Variants in FSTL5 observed in about 807,000 individuals in gnomAD.
FSTL5 encodes follistatin-related protein 5.
A neutral mutation model predicts 89.1 loss-of-function variants in FSTL5; 62 were observed. The observed-to-expected ratio is 0.70, with a 90% CI of 0.57 to 0.86. FSTL5 has a LOEUF of 0.86. Among genes scored for constraint, FSTL5 ranks in the 40% least tolerant of loss-of-function variants. FSTL5 has a pLI of 0.00. For missense variants in FSTL5, 1,057 were observed against 1,001.6 expected, an observed-to-expected ratio of 1.06 and a Z score of -0.75; for synonymous variants, 383 against 346.2, an observed-to-expected ratio of 1.11 and a Z score of -1.18.
chr4:161,646,518 A>T (rs1414378601), intron 7 of FSTL5, among the ~76,000 whole-genome samples: 3 of 152,002 alleles, frequency 2.0e-5, no homozygotes, highest in Admixed American at 6.6e-5. Context: ...AATGACATAT[A>T]AAATCCAGAC....
chr4:161,725,201 AT>A lies in FSTL5; in HGVS notation c.727+34209del, dbSNP rs557758052. ...TCTCAAAAAATAAACATAAAAAAAA[AT>A]AACTCTGAAAATTTACTTAAGTGGC... On this transcript the variant is annotated intron_variant, in intron 6 of 15. Transcript: ENST00000306100. 1.2e-4 allele frequency among the ~76,000 whole-genome samples: 18 copies of A among 152,278 alleles called. No individual in the cohort carries two copies. In the South Asian group the frequency reaches 2.3e-3, roughly 19 times the overall value.
intron 3 of FSTL5, among the ~76,000 whole-genome samples, chr4:161,981,649 G>A (rs1220774550): frequency 6.6e-6 from 1 of 152,064 alleles, no homozygotes; most frequent in African/African-American, 2.4e-5. Context: ...CACAGCACAT[G>A]GCTAGTTCAG....
intron 11 of FSTL5, among the ~76,000 whole-genome samples, chr4:161,509,605 G>C (rs762204059): frequency 6.6e-6 from 1 of 152,114 alleles, no homozygotes; most frequent in African/African-American, 2.4e-5. Flanking sequence ...AGGGTACAGT[G>C]ACTTGGGTTC....
intron 1 of FSTL5, among the ~76,000 whole-genome samples, chr4:162,124,929 T>A (rs1732019265): frequency 6.6e-6 from 1 of 152,168 alleles, no homozygotes; most frequent in Non-Finnish European, 1.5e-5. Context: ...GGTCACAATC[T>A]CCTGACCTCG....
chr4:161,695,480 CAT>C (rs58447642), intron 6 of FSTL5, among the ~76,000 whole-genome samples: 25 of 145,158 alleles, frequency 1.7e-4, no homozygotes, highest in African/African-American at 5.7e-4. Flanking sequence ...AGACATATAT[CAT>C]ATATATATAT....
chr4:161,597,998 C>T (rs1734088726), intron 7 of FSTL5, among the ~76,000 whole-genome samples: 1 of 152,118 alleles, frequency 6.6e-6, no homozygotes, highest in Admixed American at 6.6e-5. Context: ...AGTTGAAAAA[C>T]ATGAATAGAA....
intron 6 of FSTL5, among the ~76,000 whole-genome samples, chr4:161,753,160 A>G (rs917965240): frequency 6.6e-6 from 1 of 152,158 alleles, no homozygotes; most frequent in Non-Finnish European, 1.5e-5. Context: ...TTCTACCTAC[A>G]TATTCCCTAT....
At chr4:162,147,747 T>G (rs1733058274) in intron 1 of FSTL5, among the ~76,000 whole-genome samples, 1 of 152,204 alleles carries the variant, frequency 6.6e-6, no homozygotes, top group African/African-American at 2.4e-5. Context: ...GAGCGGTGGC[T>G]CACGCCTGTA....
At chr4:161,987,389 G>A (rs1274728002) in intron 3 of FSTL5, among the ~76,000 whole-genome samples, 2 of 150,108 alleles carry the variant, frequency 1.3e-5, no homozygotes, top group Non-Finnish European at 3.0e-5. Context: ...TAGAATGGCG[G>A]GGAAGGAGAA....
chr4:162,018,793 A>G (rs1736990385), intron 3 of FSTL5, among the ~76,000 whole-genome samples: 1 of 152,164 alleles, frequency 6.6e-6, no homozygotes, highest in Admixed American at 6.6e-5. Context: ...TCTATATTAA[A>G]GGAGTTACAT....
intron 13 of FSTL5, among the ~76,000 whole-genome samples, chr4:161,463,920 A>G (rs954406597): frequency 6.6e-6 from 1 of 152,148 alleles, no homozygotes; most frequent in African/African-American, 2.4e-5. Context: ...CACAGTCACC[A>G]TTATCATTAT....
intron 4 of FSTL5, among the ~76,000 whole-genome samples, chr4:161,860,161 G>A (rs536168508): frequency 1.2e-3 from 175 of 151,870 alleles, no homozygotes; most frequent in Non-Finnish European, 1.7e-3. Context: ...GGTGGCGGGC[G>A]CCTGTAGTCC....
chr4:161,648,383 G>A (rs1480233134), intron 7 of FSTL5, among the ~76,000 whole-genome samples: 2 of 152,120 alleles, frequency 1.3e-5, no homozygotes, highest in Non-Finnish European at 1.5e-5. Flanking sequence ...TTTGAGCAGC[G>A]GGGCATGAAG....
chr4:161,750,594 T>C (rs1208099501), intron 6 of FSTL5, among the ~76,000 whole-genome samples: 1 of 152,154 alleles, frequency 6.6e-6, no homozygotes, highest in Non-Finnish European at 1.5e-5. Context: ...CTTCTCTAAG[T>C]ATAAAAGTGA....
rs184672552 is a variant in FSTL5 at position 161,514,972 on chromosome 4, T to A, written c.1313-4548A>T. ...TATAGAAAGTGTAGCAAATTAAATG[T>A]AACAGCCACTAAAAATAAGCTAGAT... On this transcript the variant is annotated intron_variant, in intron 10 of 15. Coordinates refer to ENST00000306100, the MANE Select transcript of FSTL5 (RefSeq NM_020116.5). Among the ~76,000 whole-genome samples, 670 of 152,160 alleles carry A rather than the reference T, an allele frequency of 4.4e-3. 1 individual carries two copies. The highest frequency in any genetic ancestry group is 4.6e-3 in the Non-Finnish European group (313 of 67,968).
chr4:161,395,813 A>G (rs1429772197), intron 15 of FSTL5, among the ~76,000 whole-genome samples: 1 of 152,214 alleles, frequency 6.6e-6, no homozygotes, highest in Non-Finnish European at 1.5e-5. Context: ...ATGGGCTGCA[A>G]GTGGAAAGTA....
At chr4:162,025,545 C>T (rs2111170444) in intron 3 of FSTL5, among the ~76,000 whole-genome samples, 1 of 152,098 alleles carries the variant, frequency 6.6e-6, no homozygotes, top group South Asian at 2.1e-4. Flanking sequence ...TTCAATAGCA[C>T]AGAGCACATT....
intron 13 of FSTL5, among the ~76,000 whole-genome samples, chr4:161,473,692 A>G (rs552845749): frequency 6.6e-6 from 1 of 152,214 alleles, no homozygotes; most frequent in Admixed American, 6.5e-5. Context: ...CTGGCCTCTC[A>G]AAGTGCTGGT....
intron 15 of FSTL5, among the ~76,000 whole-genome samples, chr4:161,399,922 C>T (rs375168480): frequency 1.6e-4 from 25 of 152,012 alleles, no homozygotes; most frequent in African/African-American, 3.1e-4. Flanking sequence ...CTGTGAATGG[C>T]GCTATGTACA....
Sources: allele counts gnomAD v4.1 joint callset (sites outside exome capture counted in the v4.1 genomes callset), GRCh38; gene constraint gnomAD v4.1.1; transcripts MANE v1.5; gene names NCBI Gene and HGNC (gene_info 2026-07-23, HGNC 2026-07-21).